The following IKBIP variants were observed in gnomAD, a reference collection of about 807,000 sequenced individuals.
IKBIP encodes the protein IKBKB interacting protein.
In IKBIP, 28 loss-of-function variants were observed where a neutral mutation model predicts 31.0. The ratio of observed to expected loss-of-function variants is 0.90; its 90% CI spans 0.67 to 1.24. The LOEUF is 1.24. Ranked by LOEUF, IKBIP falls within the 50% of genes most tolerant of loss-of-function variation. The pLI, the probability that IKBIP is intolerant of heterozygous loss-of-function variation, is 0.00. For missense variants in IKBIP, 453 were observed against 441.9 expected (o/e 1.03, Z -0.23); for synonymous variants, 164 against 160.3 (o/e 1.02, Z -0.17).
downstream of IKBIP, among the ~76,000 whole-genome samples, chr12:98,622,836 T>A (rs758270082): frequency 2.6e-5 from 4 of 152,274 alleles, no homozygotes; most frequent in South Asian, 6.2e-4. Flanking sequence ...TATACAAGTA[T>A]AATTAGTCAA....
chr12:98,614,488 G>A lies in IKBIP; in HGVS notation c.298-148C>T, dbSNP rs1592985798. 1.1e-4 allele frequency: 52 copies of A among 453,798 alleles called. No homozygotes were observed. In the East Asian group the frequency reaches 1.8e-3, roughly 16 times the overall value. 28.1% of individuals were successfully genotyped at this position (453,798 alleles called of 1,614,324 possible). ...TACCCAGGATGGAGTGCAGTGGCACGATCTTGGCTCACTGAAACCTCCACC... is the reference window on the plus strand; with the variant it reads ...TACCCAGGATGGAGTGCAGTGGCACAATCTTGGCTCACTGAAACCTCCACC... On this transcript the variant is annotated intron_variant, in intron 2 of 2. Coordinates refer to the IKBIP transcript ENST00000342502.
At chr12:98,633,403 G>A (rs1281939841) in intron 2 of IKBIP, among the ~76,000 whole-genome samples, 2 of 150,800 alleles carry the variant, frequency 1.3e-5, no homozygotes, top group East Asian at 3.9e-4. Context: ...TCAGCAACTT[G>A]AAGGAACACA....
At position 98,626,745 on chromosome 12, in the gene IKBIP, G is replaced by A. The variant is rs763311145; in HGVS notation, c.319C>T (p.Leu107=). The change falls in exon 3 of 3, where the codon CTG becomes TTG. Residue 107 remains leucine, a synonymous_variant. Coordinates refer to ENST00000299157, the MANE Select transcript of IKBIP (RefSeq NM_153687.4). ...GACATGGATGATGTAGCTTCCTGCAGGATGCTTTCAGTAGACTCAAGCTGC... is the reference window on the plus strand; with the variant it reads ...GACATGGATGATGTAGCTTCCTGCAAGATGCTTTCAGTAGACTCAAGCTGC... ...SEKLESTESI[L]QEATSSMSLM... 1.9e-6 allele frequency: 3 copies of A among 1,606,284 alleles called. No homozygotes were observed. The East Asian group carries it at 6.7e-5, about 36-fold the overall frequency.
In IKBIP at chr12:98,624,743, T is replaced by C; in HGVS notation, c.*1187A>G. ...GTATTTTTAACTATCATAGTTATTA[T>C]CATAATTAATTATCAGAGTTATGTT... On this transcript the variant is annotated 3_prime_UTR_variant, in exon 3 of 3. Coordinates refer to ENST00000299157, the MANE Select transcript of IKBIP (RefSeq NM_153687.4). 2.2e-6 allele frequency: 2 copies of C among 891,646 alleles called. No individual in the cohort carries two copies. The highest frequency in any genetic ancestry group is 2.7e-6 in the Non-Finnish European group (2 of 744,580). The allele number at this position is 891,646 out of a possible 1,614,324, so 55.2% of individuals were successfully genotyped here. A position where few individuals can be genotyped will look rare whatever the true frequency, so the allele number is the denominator to read the frequency against.
intron 1 of IKBIP, among the ~76,000 whole-genome samples, chr12:98,639,624 A>T (rs899472581): frequency 5.3e-5 from 8 of 152,192 alleles, no homozygotes; most frequent in South Asian, 2.1e-4. Context: ...ATTTTCCTAC[A>T]GTGCATGGTG....
chr12:98,643,817 C>CTTTTTTTTTTTTTTTCCTTTTCTT (rs1555212507), intron 1 of IKBIP, among the ~76,000 whole-genome samples: 1 of 136,932 alleles, frequency 7.3e-6, no homozygotes, highest in African/African-American at 2.7e-5. Flanking sequence ...ATATGGTTTT[C>CTTTTTTTTTTTTTTTCCTTTTCTT]TTTTTTTTTT....
At chr12:98,635,011 T>A (rs1283965222) in intron 1 of IKBIP, among the ~76,000 whole-genome samples, 1 of 144,222 alleles carries the variant, frequency 6.9e-6, no homozygotes, top group Non-Finnish European at 1.5e-5. Flanking sequence ...GCCCGGTATT[T>A]TTTTTTTTTT....
At chr12:98,642,510 G>A (rs953795241) in intron 1 of IKBIP, among the ~76,000 whole-genome samples, 2 of 150,796 alleles carry the variant, frequency 1.3e-5, no homozygotes, top group South Asian at 2.1e-4. Context: ...CATAAGAGCC[G>A]TTTATTTAAA....
intron 1 of IKBIP, among the ~76,000 whole-genome samples, chr12:98,641,548 C>T (rs549510036): frequency 6.6e-6 from 1 of 152,280 alleles, no homozygotes; most frequent in South Asian, 2.1e-4. Flanking sequence ...CAATAAACAG[C>T]AACCAAAGTA....
rs61623957 is a variant in IKBIP at position 98,630,376 on chromosome 12, C to CAAAAAA, written c.298-3616_298-3611dup. ...CCAGCCTGGGCAACAAGAGCCTGGG[C>CAAAAAA]AAAAAAAAAAAAAAAAAAAAAAAAA... is the stretch of plus-strand genomic sequence containing the variant. On this transcript the variant is annotated intron_variant, in intron 2 of 2. Transcript: ENST00000299157. Among the ~76,000 whole-genome samples the CAAAAAA allele has an allele frequency of 4.4e-4, 18 of 41,300 alleles. 3 individuals carry two copies. Among genetic ancestry groups the CAAAAAA allele is most frequent in the African/African-American group, 2.1e-3 (17 of 8,164 alleles). 27.1% of individuals were successfully genotyped at this position (41,300 alleles called of 152,430 possible).
At chr12:98,621,981 CAGG>C (rs2097610522), downstream of IKBIP, among the ~76,000 whole-genome samples, 1 of 151,302 alleles carries the variant, frequency 6.6e-6, no homozygotes, top group African/African-American at 2.4e-5. Context: ...GAGGCTGAGG[CAGG>C]AGAACCGCTT....
intron 2 of IKBIP, among the ~76,000 whole-genome samples, chr12:98,618,271 T>C (rs542814868): frequency 7.2e-5 from 11 of 152,182 alleles, no homozygotes; most frequent in Non-Finnish European, 1.3e-4. Flanking sequence ...TCTAAAGATA[T>C]CTTTTTTTCT....
chr12:98,625,163 A>G lies in IKBIP; in HGVS notation c.*767T>C. On this transcript the variant is annotated 3_prime_UTR_variant, in exon 3 of 3. Coordinates refer to ENST00000299157, the MANE Select transcript of IKBIP (RefSeq NM_153687.4). ...GCAAACTCATGTCTAACACAGTTGG[A>G]ACCTAAAACTCAGGTATATAAAGAT... 1 of 985,236 alleles carries G rather than the reference A, an allele frequency of 1.0e-6. No homozygotes were observed. The highest frequency in any genetic ancestry group is 1.1e-4 in the East Asian group (1 of 8,824). 61.0% of individuals were successfully genotyped at this position (985,236 alleles called of 1,614,324 possible). A position where few individuals can be genotyped will look rare whatever the true frequency, so the allele number is the denominator to read the frequency against.
intron 2 of IKBIP, among the ~76,000 whole-genome samples, chr12:98,615,800 G>T (rs944449766): frequency 6.6e-6 from 1 of 151,982 alleles, no homozygotes; most frequent in African/African-American, 2.4e-5. Context: ...TATCGTTTAG[G>T]TTCATCCATG....
At position 98,625,984 on chromosome 12, in the gene IKBIP, C is replaced by T. The variant is rs778395389; in HGVS notation, c.1080G>A (p.Lys360=). The T allele has an allele frequency of 4.1e-6, 6 of 1,474,612 alleles. No homozygotes were observed. The Admixed American group carries it at 1.5e-4, about 36-fold the overall frequency. 91.3% of individuals were successfully genotyped at this position (1,474,612 alleles called of 1,614,324 possible). A position where few individuals can be genotyped will look rare whatever the true frequency, so the allele number is the denominator to read the frequency against. The change falls in exon 3 of 3, where the codon AAG becomes AAA. Residue 360 remains lysine (K), a synonymous_variant. Coordinates refer to ENST00000299157, the MANE Select transcript of IKBIP (RefSeq NM_153687.4). ...DFIAYSSTGE[K]GTLKEYNIEN... is the part of the protein sequence containing the mutation. ...CTATATTATATTCTTTTAAAGTTCC[C>T]TTTTCTCCTGTACTTGAGTATGCTA...
At chr12:98,614,528 G>A (rs1237834191) in intron 2 of IKBIP, among the ~76,000 whole-genome samples, 1 of 151,960 alleles carries the variant, frequency 6.6e-6, no homozygotes, top group African/African-American at 2.4e-5. Flanking sequence ...GGGTTCCAGC[G>A]ATTTTCCTGA....
At chr12:98,619,995 T>C (rs1196938097), downstream of IKBIP, among the ~76,000 whole-genome samples, 1 of 150,708 alleles carries the variant, frequency 6.6e-6, no homozygotes, top group East Asian at 2.0e-4. Context: ...CTCTGCTCAC[T>C]GCAACCTCTG....
chr12:98,614,216 T>C (rs760186559), exon 3 of IKBIP: 7 of 1,613,810 alleles, frequency 4.3e-6, no homozygotes, highest in Non-Finnish European at 5.1e-6. Context: ...GTTCAGTATA[T>C]CCTGTTTTTC....
chr12:98,644,724 A>G lies in IKBIP; in HGVS notation c.-23T>C, dbSNP rs1565847403. ...CATGTCTGGAGACCCTAGGACGACAAGCCCAGGGCAGCTTCTTCACCAGGG... is the reference window on the plus strand; with the variant it reads ...CATGTCTGGAGACCCTAGGACGACAGGCCCAGGGCAGCTTCTTCACCAGGG... On this transcript the variant is annotated 5_prime_UTR_variant, in exon 1 of 3. Coordinates refer to ENST00000299157, the MANE Select transcript of IKBIP (RefSeq NM_153687.4). 2 of 1,582,028 alleles carry G rather than the reference A, an allele frequency of 1.3e-6. No individual in the cohort carries two copies. Among genetic ancestry groups the G allele is most frequent in the Non-Finnish European group, 1.7e-6 (2 of 1,170,378 alleles).
Sources: allele counts gnomAD v4.1 joint callset (sites outside exome capture counted in the v4.1 genomes callset), GRCh38; gene constraint gnomAD v4.1.1; transcripts MANE v1.5; gene names NCBI Gene and HGNC (gene_info 2026-07-23, HGNC 2026-07-21).